The following DOCK1 variants were observed in gnomAD, a reference collection of about 807,000 sequenced individuals.
The protein encoded by DOCK1 is dedicator of cytokinesis 1, also known as dedicator of cytokinesis protein 1.
DOCK1 carries 138 observed loss-of-function variants against 262.7 expected under a neutral mutation model. The observed-to-expected ratio is 0.53, with a 90% CI of 0.46 to 0.61. The LOEUF is 0.61. Among genes scored for constraint, DOCK1 ranks in the 20% least tolerant of loss-of-function variants. The pLI is 0.00. For synonymous variants in DOCK1, 866 were observed against 867.4 expected (o/e 1.00, Z 0.03); for missense variants, 1,908 against 2,370.7 (o/e 0.80, Z 4.05).
chr10:127,118,368 C>T (rs1033413601), intron 25 of DOCK1, among the ~76,000 whole-genome samples: 1 of 152,136 alleles, frequency 6.6e-6, no homozygotes, highest in Non-Finnish European at 1.5e-5. Flanking sequence ...GACTCATTTG[C>T]AATTTTTCTC....
intron 1 of DOCK1, among the ~76,000 whole-genome samples, chr10:126,944,676 G>A (rs2035262768): frequency 6.6e-6 from 1 of 152,040 alleles, no homozygotes; most frequent in East Asian, 1.9e-4. Flanking sequence ...GGGTGCCCTC[G>A]GCTCTGCAGG....
chr10:127,409,430 A>G, intron 42 of DOCK1, 39 bp downstream of exon 42: 1 of 1,602,092 alleles, frequency 6.2e-7, no homozygotes, highest in Non-Finnish European at 8.6e-7. Flanking sequence ...TGAGGGTTGT[A>G]AGAGGCTGTG....
rs11426788 is a variant in DOCK1 at position 127,373,493 on chromosome 10, T to TC, written c.3433-283dup. On this transcript the variant is annotated intron_variant, in intron 33 of 51. Transcript: ENST00000623213. ...TTCATGCTGCGCTTTGATTTTTTTTTCCCCCTATGGTTTCCTTGTCTTTCT... is the reference window on the plus strand; with the variant it reads ...TTCATGCTGCGCTTTGATTTTTTTTTCCCCCCTATGGTTTCCTTGTCTTTCT... Among the ~76,000 whole-genome samples the TC allele has an allele frequency of 3.2e-4, 49 of 151,636 alleles. No homozygotes were observed. The East Asian group carries it at 8.4e-3, about 26-fold the overall frequency.
intron 1 of DOCK1, among the ~76,000 whole-genome samples, chr10:126,915,210 T>C (rs1393173720): frequency 6.6e-6 from 1 of 152,192 alleles, no homozygotes; most frequent in Non-Finnish European, 1.5e-5. Flanking sequence ...GCGTTGAGCA[T>C]AGAGGTTGTA....
chr10:127,346,420 C>A (rs572475101), intron 31 of DOCK1, among the ~76,000 whole-genome samples: 2 of 152,246 alleles, frequency 1.3e-5, no homozygotes, highest in Non-Finnish European at 2.9e-5. Flanking sequence ...CACAACAACA[C>A]CCCTTTCTCC....
intron 27 of DOCK1, among the ~76,000 whole-genome samples, chr10:127,236,498 G>A (rs61876360): frequency 0.12 from 12,721 of 108,168 alleles, 973 homozygotes; most frequent in Non-Finnish European, 0.18. Flanking sequence ...TTCTTGACAC[G>A]GGTTTTTTTT....
At chr10:127,303,634 G>A (rs1000460184) in intron 29 of DOCK1, among the ~76,000 whole-genome samples, 2 of 118,030 alleles carry the variant, frequency 1.7e-5, no homozygotes, top group Non-Finnish European at 3.5e-5. Flanking sequence ...CACAGTAAGA[G>A]CATCATTTGA....
intron 31 of DOCK1, among the ~76,000 whole-genome samples, chr10:127,346,137 A>G (rs1429076390): frequency 6.6e-6 from 1 of 152,198 alleles, no homozygotes; most frequent in Admixed American, 6.5e-5. Flanking sequence ...GGCCTCGGAG[A>G]TGCCTGCGGG....
rs987112431 is a variant in DOCK1 at position 126,957,059 on chromosome 10, G to A, written c.47-13643G>A. ...CCCGACGGGGGAAAGCGGGGAAGGG[G>A]TCTCTGCAAGGGGGTCCTCTCCAGC... On this transcript the variant is annotated intron_variant, in intron 1 of 51. Transcript: ENST00000623213. 1.2e-3 allele frequency among the ~76,000 whole-genome samples: 177 copies of A among 152,326 alleles called. 1 individual carries two copies. Among genetic ancestry groups the A allele is most frequent in the African/African-American group, 4.1e-3 (169 of 41,574 alleles).
intron 27 of DOCK1, among the ~76,000 whole-genome samples, chr10:127,232,351 C>G (rs1000701787): frequency 4.6e-5 from 7 of 152,108 alleles, no homozygotes; most frequent in Admixed American, 2.6e-4. Flanking sequence ...TGTACAAAGT[C>G]TCTTGTTTTC....
chr10:127,146,630 A>G (rs2051881681), intron 27 of DOCK1, among the ~76,000 whole-genome samples: 1 of 152,200 alleles, frequency 6.6e-6, no homozygotes, highest in African/African-American at 2.4e-5. Flanking sequence ...GTCACTCACC[A>G]TAAATACTAA....
chr10:127,212,840 C>T (rs1306495833), intron 27 of DOCK1, among the ~76,000 whole-genome samples: 1 of 149,814 alleles, frequency 6.7e-6, no homozygotes, highest in Non-Finnish European at 1.5e-5. Flanking sequence ...TGGAGAATCT[C>T]ATTTTTGCTT....
At chr10:127,402,038 G>A (rs753511777) in intron 38 of DOCK1, among the ~76,000 whole-genome samples, 13 of 152,192 alleles carry the variant, frequency 8.5e-5, no homozygotes, top group Non-Finnish European at 1.6e-4. Flanking sequence ...GTTGAATGCA[G>A]CATATAGGAA....
At chr10:127,118,280 G>C (rs914996163) in intron 25 of DOCK1, among the ~76,000 whole-genome samples, 2 of 151,796 alleles carry the variant, frequency 1.3e-5, no homozygotes, top group Admixed American at 1.3e-4. Flanking sequence ...CAGACTTCCT[G>C]CCTGACCAAT....
intron 22 of DOCK1, 151 bp from the exon 23 acceptor site, chr10:127,061,517 C>T: frequency 2.9e-6 from 2 of 696,398 alleles, no homozygotes; most frequent in Non-Finnish European, 4.9e-6. Context: ...GTCTCACTGC[C>T]AAGTTACCTT....
rs771224536 is a variant in DOCK1 at position 127,248,103 on chromosome 10, T to C, written c.2943T>C (p.Asp981=). The change falls in exon 28 of 52, where the codon GAT becomes GAC. Residue 981 remains aspartate, a synonymous_variant. Coordinates refer to ENST00000623213, the MANE Select transcript of DOCK1 (RefSeq NM_001290223.2). ...AGACTTTTGGGAAAATGAGGACTGATGTGGTAGTAAGTGTCCCTTTCACCC... is the reference window on the plus strand; with the variant it reads ...AGACTTTTGGGAAAATGAGGACTGACGTGGTAGTAAGTGTCCCTTTCACCC... ...LIKTFGKMRT[D]VVDFLMETFI... 19 of 1,613,838 alleles carry C rather than the reference T, an allele frequency of 1.2e-5. No homozygotes were observed. In the South Asian group the frequency reaches 1.5e-4, roughly 13 times the overall value.
chr10:127,073,614 T>G (rs1033554461), intron 23 of DOCK1, among the ~76,000 whole-genome samples: 13 of 152,244 alleles, frequency 8.5e-5, no homozygotes, highest in Admixed American at 5.9e-4. Flanking sequence ...ATTTTCTTTT[T>G]TGTCTAATAG....
At chr10:127,333,272 ATGT>A (rs1590513663) in intron 29 of DOCK1, among the ~76,000 whole-genome samples, 1 of 152,184 alleles carries the variant, frequency 6.6e-6, no homozygotes, top group East Asian at 1.9e-4. Context: ...CAGCTTCACA[ATGT>A]GAGAAATGGG....
rs2040107013 is a variant in DOCK1 at position 126,995,335 on chromosome 10, C to T, written c.474-1413C>T. 1.3e-5 allele frequency among the ~76,000 whole-genome samples: 2 copies of T among 152,202 alleles called. No homozygotes were observed. Among genetic ancestry groups the T allele is most frequent in the African/African-American group, 4.8e-5 (2 of 41,444 alleles). Reference sequence around the variant, plus strand: ...AGCGAGCCGAGATCATGCCACTGCACTCCAGCCTGGGCAACACTGAGCACT... The same window carrying T: ...AGCGAGCCGAGATCATGCCACTGCATTCCAGCCTGGGCAACACTGAGCACT... On this transcript the variant is annotated intron_variant, in intron 6 of 51. Transcript: ENST00000623213. The surrounding 1 kb of genome is among the most constrained non-coding windows in gnomAD (Gnocchi z 5.8).
Sources: gnomAD v4.1 joint callset for allele counts (sites outside exome capture counted in the v4.1 genomes callset) on GRCh38, gnomAD v4.1.1 for gene constraint, Gnocchi (gnomAD v3.1) non-coding constraint, MANE v1.5 for transcripts, NCBI Gene and HGNC (gene_info 2026-07-23, HGNC 2026-07-21) for gene names.